MATN2: variants seen among roughly 807,000 people sequenced by gnomAD.
MATN2 encodes matrilin-2.
A neutral mutation model predicts 103.2 loss-of-function variants in MATN2; 69 were observed. The observed-to-expected ratio is 0.67, with a 90% CI of 0.55 to 0.82. The LOEUF (loss-of-function observed/expected upper bound fraction) is 0.82, where lower values mean the gene tolerates loss of function less well. Among genes scored for constraint, MATN2 ranks in the 40% least tolerant of loss-of-function variants. The pLI is 0.00. For missense variants in MATN2, 1,023 were observed against 1,211.5 expected (o/e 0.84, Z 2.31); for synonymous variants, 429 against 450.2 (o/e 0.95, Z 0.60).
chr8:97,961,555 G>A, intron 5 of MATN2, 25 bp downstream of exon 5: 1 of 1,589,598 alleles, frequency 6.3e-7, no homozygotes, highest in Non-Finnish European at 8.6e-7. Flanking sequence ...AGCTGGGCTT[G>A]GTAGGGAAGG....
At chr8:97,990,179 CAAAAAAAA>C (rs34924183) in intron 6 of MATN2, among the ~76,000 whole-genome samples, 3 of 45,828 alleles carry the variant, frequency 6.5e-5, no homozygotes, top group Non-Finnish European at 8.3e-5. Context: ...AAGACTCTGT[CAAAAAAAA>C]AAAAAAAAAA....
At chr8:97,949,230 C>T (rs891554234) in intron 4 of MATN2, among the ~76,000 whole-genome samples, 9 of 145,590 alleles carry the variant, frequency 6.2e-5, no homozygotes, top group South Asian at 2.1e-4. Flanking sequence ...AGTGCAGTGG[C>T]GTGATCTCAG....
chr8:97,898,427 G>C (rs1256277325), intron 2 of MATN2, among the ~76,000 whole-genome samples: 2 of 151,796 alleles, frequency 1.3e-5, no homozygotes, highest in Non-Finnish European at 2.9e-5. Flanking sequence ...GAAACCTTGT[G>C]TCTACTAAAA....
chr8:97,968,590 AG>A (rs1449441459), intron 5 of MATN2, among the ~76,000 whole-genome samples: 1 of 152,224 alleles, frequency 6.6e-6, no homozygotes, highest in Non-Finnish European at 1.5e-5. Flanking sequence ...ACAGATCCCT[AG>A]GGCATGAACA....
At chr8:97,965,132 G>C (rs1025599694) in intron 5 of MATN2, among the ~76,000 whole-genome samples, 32 of 152,166 alleles carry the variant, frequency 2.1e-4, no homozygotes, top group African/African-American at 6.8e-4. Flanking sequence ...AATCACCCTA[G>C]TTAAGGCTGT....
intron 1 of MATN2, among the ~76,000 whole-genome samples, chr8:97,882,418 G>A (rs1337850342): frequency 6.6e-6 from 1 of 151,278 alleles, no homozygotes; most frequent in African/African-American, 2.4e-5. Flanking sequence ...TTGAGGCCGG[G>A]TCTTGCTCTG....
intron 2 of MATN2, among the ~76,000 whole-genome samples, chr8:97,913,309 A>C (rs1809512135): frequency 6.7e-6 from 1 of 149,144 alleles, no homozygotes. Context: ...CATGGACAGC[A>C]ATCGATTTTT....
rs371554342 is a variant in MATN2 at position 98,016,604 on chromosome 8, G to A, written c.1638G>A (p.Ser546=). 281 of 1,612,116 alleles carry A rather than the reference G, an allele frequency of 1.7e-4. 1 individual carries two copies. In the African/African-American group the frequency reaches 2.6e-3, roughly 15 times the overall value. ...ATTCGTGTGTAAGCAGTGAAGATTC[G>A]TTTGTGTGCCAGTGCTTTGAAGGTT... The part of the protein sequence containing the change: ...CEHSCVSSED[S]FVCQCFEGYI... Residue 546 remains serine (S), a synonymous_variant, in exon 11 of 19, where the codon TCG becomes TCA. Coordinates refer to ENST00000254898, the MANE Select transcript of MATN2 (RefSeq NM_002380.5).
intron 3 of MATN2, among the ~76,000 whole-genome samples, chr8:97,932,541 C>T (rs1810233140): frequency 1.3e-5 from 2 of 152,224 alleles, no homozygotes; most frequent in Admixed American, 1.3e-4. Flanking sequence ...TTCTAACCCT[C>T]TTTTCACAGG....
chr8:98,010,038 G>A (rs1813104051), intron 10 of MATN2, among the ~76,000 whole-genome samples: 1 of 152,182 alleles, frequency 6.6e-6, no homozygotes, highest in African/African-American at 2.4e-5. Context: ...GCTCTCCACT[G>A]TCTCCCAGAA....
chr8:97,985,004 C>T (rs1442240512), intron 6 of MATN2, among the ~76,000 whole-genome samples: 1 of 152,172 alleles, frequency 6.6e-6, no homozygotes, highest in East Asian at 1.9e-4. Context: ...GTGATACTAT[C>T]ACACAGCACC....
intron 1 of MATN2, among the ~76,000 whole-genome samples, chr8:97,887,183 C>T (rs1315060673): frequency 2.6e-5 from 4 of 152,094 alleles, no homozygotes; most frequent in African/African-American, 9.7e-5. Context: ...TGAGTCACCA[C>T]ACCTGGACTT....
At chr8:97,929,182 G>T (rs1254504386) in intron 2 of MATN2, among the ~76,000 whole-genome samples, 3 of 152,196 alleles carry the variant, frequency 2.0e-5, no homozygotes, top group Non-Finnish European at 4.4e-5. Flanking sequence ...AGGCGGCAAG[G>T]ATGAGTTGTG....
chr8:98,023,288 A>G (rs1813668166), intron 13 of MATN2, among the ~76,000 whole-genome samples: 1 of 147,336 alleles, frequency 6.8e-6, no homozygotes, highest in African/African-American at 2.4e-5. Context: ...AAAATTATAT[A>G]AACTCTTTGA....
intron 2 of MATN2, among the ~76,000 whole-genome samples, chr8:97,896,034 C>T (rs567758013): frequency 6.6e-6 from 1 of 152,260 alleles, no homozygotes; most frequent in Admixed American, 6.5e-5. Context: ...TTGTGTAGAC[C>T]ATAGAATGCC....
At chr8:97,937,583 CT>C (rs376203275) in intron 3 of MATN2, among the ~76,000 whole-genome samples, 145 of 89,812 alleles carry the variant, frequency 1.6e-3, no homozygotes, top group East Asian at 9.8e-3. Context: ...TCCCCACTAA[CT>C]TTTTTTTTTT....
intron 7 of MATN2, among the ~76,000 whole-genome samples, chr8:97,998,400 T>TAG (rs1554613258): frequency 6.6e-6 from 1 of 150,420 alleles, no homozygotes; most frequent in Admixed American, 6.6e-5. Flanking sequence ...CGGGCGCCTG[T>TAG]AGTCCCAACT....
intron 2 of MATN2, among the ~76,000 whole-genome samples, chr8:97,901,226 A>G (rs1379552647): frequency 6.6e-6 from 1 of 152,022 alleles, no homozygotes; most frequent in Non-Finnish European, 1.5e-5. Flanking sequence ...CTTTTTAACT[A>G]TGCCAAAATG....
chr8:98,020,426 G>A (rs1255192751), intron 12 of MATN2, among the ~76,000 whole-genome samples: 2 of 152,192 alleles, frequency 1.3e-5, no homozygotes, highest in African/African-American at 4.8e-5. Context: ...GATTACAGGT[G>A]TGAACCACCA....
Sources: gnomAD v4.1 joint callset for allele counts (sites outside exome capture counted in the v4.1 genomes callset) on GRCh38, gnomAD v4.1.1 for gene constraint, MANE v1.5 for transcripts, NCBI Gene and HGNC (gene_info 2026-07-23, HGNC 2026-07-21) for gene names.